The following FRMPD1 variants were observed in gnomAD, a reference collection of about 807,000 sequenced individuals.
FRMPD1 encodes the protein FERM and PDZ domain containing 1.
FRMPD1 carries 76 observed loss-of-function variants against 117.8 expected under a neutral mutation model. The observed-to-expected ratio is 0.65, with a 90% CI of 0.54 to 0.78. FRMPD1 has a LOEUF of 0.78. FRMPD1 is among the 30% of genes least tolerant of loss of function. FRMPD1 has a pLI of 0.00. For missense variants in FRMPD1, 1,786 were observed against 1,964.5 expected (o/e 0.91, Z 1.72); for synonymous variants, 783 against 770.4 (o/e 1.02, Z -0.27).
rs749809285 is a variant in FRMPD1, at chr9:37,740,161, G to C, written c.1633G>C (p.Val545Leu). ...CGAACCTCTCTCTGACAGGCGCCTGGTGAAACTGGCACCCTGCAGATCACT... is the reference window on the plus strand; with the variant it reads ...CGAACCTCTCTCTGACAGGCGCCTGCTGAAACTGGCACCCTGCAGATCACT... ...VLEPLSDRRL[V>L]KLAPCRSLIK... The change falls in exon 15 of 16, where the codon GTG becomes CTG. Residue 545 changes from valine to leucine, a missense_variant. Coordinates refer to ENST00000377765, the MANE Select transcript of FRMPD1 (RefSeq NM_014907.3). This position sits in a 1 kb window ranked among gnomAD's most constrained non-coding sequence, Gnocchi z 4.2. 2 of 1,613,890 alleles carry C rather than the reference G, an allele frequency of 1.2e-6. No homozygotes were observed. Among genetic ancestry groups the C allele is most frequent in the South Asian group, 2.2e-5 (2 of 91,076 alleles).
chr9:37,621,369 A>C, the FRMPD1 span, among the ~76,000 whole-genome samples: 62 of 152,112 alleles, frequency 4.1e-4, no homozygotes, highest in Admixed American at 1.4e-3. Context: ...TGGTTACGTG[A>C]CTCTTGCACC....
At chr9:37,736,777 A>C (rs1466480486) in intron 13 of FRMPD1, among the ~76,000 whole-genome samples, 1 of 151,948 alleles carries the variant, frequency 6.6e-6, no homozygotes, top group Non-Finnish European at 1.5e-5. Flanking sequence ...GCGCTGGGGT[A>C]GAGGATGAGG....
chr9:37,699,169 GC>G (rs770593627), intron 2 of FRMPD1, among the ~76,000 whole-genome samples: 2 of 151,612 alleles, frequency 1.3e-5, no homozygotes, highest in Non-Finnish European at 2.9e-5. Flanking sequence ...ACCGTGACCA[GC>G]CTCATTACCT....
intron 2 of FRMPD1, among the ~76,000 whole-genome samples, chr9:37,699,151 C>T (rs566488439): frequency 3.3e-5 from 5 of 152,130 alleles, no homozygotes; most frequent in African/African-American, 9.6e-5. Flanking sequence ...AGATTACAGG[C>T]GTGAGCCACC....
chr9:37,667,517 T>TA (rs57309285), intron 1 of FRMPD1, among the ~76,000 whole-genome samples: 43,304 of 143,374 alleles, frequency 0.3, 6,567 homozygotes, highest in African/African-American at 0.34. Flanking sequence ...TACTAAAAAT[T>TA]AAAAAAAAAA....
Position 37,729,646 on chromosome 9 carries a change from A to G in FRMPD1, c.613-82A>G, listed in dbSNP as rs2118364803. On this transcript the variant is annotated intron_variant, in intron 7 of 15. Coordinates refer to ENST00000377765, the MANE Select transcript of FRMPD1 (RefSeq NM_014907.3). ...TGTCAGTGCAGGCTTTTCTCTCCCT[A>G]GCTGCACTGAGGAATGGCAGGAAGG... is the stretch of plus-strand genomic sequence containing the variant. The G allele has an allele frequency of 2.8e-6, 4 of 1,421,212 alleles. No homozygotes were observed. The East Asian group carries it at 6.8e-5, about 24-fold the overall frequency. The allele number at this position is 1,421,212 out of a possible 1,614,324, so 88.0% of individuals were successfully genotyped here.
In FRMPD1 at chr9:37,735,674, A is replaced by G; in HGVS notation, c.1341A>G (p.Val447=). 1 of 1,613,956 alleles carries G rather than the reference A, an allele frequency of 6.2e-7. No homozygotes were observed. Among genetic ancestry groups the G allele is most frequent in the Non-Finnish European group, 8.5e-7 (1 of 1,179,850 alleles). ...CAGAGTTTGCAAACATCAGCCGTGTAGAGCTAACGGAAGAGTCTGAGAAAG... is the reference window on the plus strand; with the variant it reads ...CAGAGTTTGCAAACATCAGCCGTGTGGAGCTAACGGAAGAGTCTGAGAAAG... ...TLAEFANISR[V]ELTEESEKVS... is the part of the protein sequence containing the mutation. Residue 447 remains valine, a synonymous_variant, in exon 13 of 16, where the codon GTA becomes GTG. Coordinates refer to ENST00000377765, the MANE Select transcript of FRMPD1 (RefSeq NM_014907.3).
At chr9:37,681,794 G>T (rs1280565564) in intron 1 of FRMPD1, among the ~76,000 whole-genome samples, 1 of 152,186 alleles carries the variant, frequency 6.6e-6, no homozygotes, top group Non-Finnish European at 1.5e-5. Flanking sequence ...GGCTCTGCAA[G>T]GATTGTAAAG....
At chr9:37,736,840 A>T (rs1196727344) in intron 13 of FRMPD1, among the ~76,000 whole-genome samples, 2 of 150,316 alleles carry the variant, frequency 1.3e-5, no homozygotes, top group East Asian at 4.0e-4. Flanking sequence ...TGTGTGAGTG[A>T]GTGTGTGAGT....
In FRMPD1 at chr9:37,740,329, A is replaced by G. The variant is rs376470460; in HGVS notation, c.1801A>G (p.Arg601Gly). 7 of 1,613,756 alleles carry G rather than the reference A, an allele frequency of 4.3e-6. No individual in the cohort carries two copies. Among genetic ancestry groups the G allele is most frequent in the Non-Finnish European group, 5.1e-6 (6 of 1,179,990 alleles). ...AGCCAACACTGAGAGCCGCGGCTAC[A>G]GGACCAGTGGCTCGAGTGAGTCCAT... ...DSANTESRGYRTSGSSESMDA... is the reference protein window; with the variant it reads ...DSANTESRGYGTSGSSESMDA... Residue 601 changes from arginine to glycine, a missense_variant, in exon 15 of 16, where the codon AGG becomes GGG. Coordinates refer to ENST00000377765, the MANE Select transcript of FRMPD1 (RefSeq NM_014907.3). The surrounding 1 kb of genome is among the most constrained non-coding windows in gnomAD (Gnocchi z 4.2).
intron 15 of FRMPD1, among the ~76,000 whole-genome samples, chr9:37,743,018 A>G (rs1824494622): frequency 6.6e-6 from 1 of 152,260 alleles, no homozygotes; most frequent in African/African-American, 2.4e-5. Flanking sequence ...CTAATAGCAT[A>G]CAGCCAGGTT....
chr9:37,725,624 C>T (rs1823587752), intron 7 of FRMPD1, among the ~76,000 whole-genome samples: 1 of 152,192 alleles, frequency 6.6e-6, no homozygotes, highest in Non-Finnish European at 1.5e-5. Flanking sequence ...CTGGGGAACT[C>T]CAAGCCCAGA....
chr9:37,658,664 C>T (rs1290926366), intron 1 of FRMPD1, among the ~76,000 whole-genome samples: 1 of 152,198 alleles, frequency 6.6e-6, no homozygotes, highest in Non-Finnish European at 1.5e-5. Context: ...CTCTGCCTCC[C>T]TGGTCACGTT....
Position 37,708,500 on chromosome 9 carries a change from A to C in FRMPD1, c.361A>C (p.Arg121=). ...CTGGGAACGAGCAGTCGATATTCTC[A>C]GGTACTAAATGGTCTTCCATCATCT... The part of the protein sequence containing the change: ...LSWERAVDIL[R]EAEDSLSITV... Residue 121 remains arginine (R), a splice_region_variant and synonymous_variant, in exon 4 of 16, where the codon AGG becomes CGG. Coordinates refer to ENST00000377765, the MANE Select transcript of FRMPD1 (RefSeq NM_014907.3). 6.4e-7 allele frequency: 1 copy of C among 1,554,818 alleles called. No individual in the cohort carries two copies. Among genetic ancestry groups the C allele is most frequent in the Non-Finnish European group, 8.9e-7 (1 of 1,125,676 alleles).
chr9:37,719,012 T>C, intron 5 of FRMPD1, 57 bp from the exon 6 acceptor site: 1 of 979,634 alleles, frequency 1.0e-6, no homozygotes, highest in East Asian at 2.4e-5. Context: ...AGAAGATAGA[T>C]ATACCTGGCT....
Position 37,744,959 on chromosome 9 carries a change from C to T in FRMPD1, c.2927C>T (p.Ser976Leu). 1 of 1,614,206 alleles carries T rather than the reference C, an allele frequency of 6.2e-7. No homozygotes were observed. Among genetic ancestry groups the T allele is most frequent in the Non-Finnish European group, 8.5e-7 (1 of 1,180,000 alleles). ...ASTPHCSNPG[S>L]SGPDTAQARP... Reference sequence around the variant, plus strand: ...ACTCCTCACTGTTCTAACCCAGGTTCATCTGGCCCAGATACTGCTCAGGCA... The same window carrying T: ...ACTCCTCACTGTTCTAACCCAGGTTTATCTGGCCCAGATACTGCTCAGGCA... Residue 976 changes from serine (S) to leucine (L), a missense_variant, in exon 16 of 16, where the codon TCA becomes TTA. Physicochemically the swap from Ser to Leu is moderately radical, Grantham distance 145 (BLOSUM62 -2). Coordinates refer to ENST00000377765, the MANE Select transcript of FRMPD1 (RefSeq NM_014907.3).
chr9:37,743,520 CTTTT>C (rs531949141), intron 15 of FRMPD1, among the ~76,000 whole-genome samples: 28 of 40,912 alleles, frequency 6.8e-4, no homozygotes, highest in Non-Finnish European at 1.1e-3. Flanking sequence ...AATGGCTCTG[CTTTT>C]TTTTTTTTTT....
chr9:37,623,665 C>T, the FRMPD1 span, among the ~76,000 whole-genome samples: 6 of 152,036 alleles, frequency 3.9e-5, no homozygotes, highest in Non-Finnish European at 1.5e-5. Flanking sequence ...CTTATGCACT[C>T]GAGAGTCACT....
chr9:37,673,431 T>C (rs1821422483), intron 1 of FRMPD1, among the ~76,000 whole-genome samples: 1 of 152,212 alleles, frequency 6.6e-6, no homozygotes, highest in African/African-American at 2.4e-5. Context: ...GCTGCTTTCA[T>C]GGGCTGGCGT....
Sources: allele counts gnomAD v4.1 joint callset (sites outside exome capture counted in the v4.1 genomes callset), GRCh38; gene constraint gnomAD v4.1.1; non-coding constraint Gnocchi (gnomAD v3.1); transcripts MANE v1.5; gene names NCBI Gene and HGNC (gene_info 2026-07-23, HGNC 2026-07-21).